Variants in GPR158 observed in about 807,000 individuals in gnomAD.
GPR158 encodes metabotropic glycine receptor.
GPR158 carries 30 observed loss-of-function variants against 78.2 expected under a neutral mutation model. The observed-to-expected ratio is 0.38, with a 90% confidence interval of 0.29 to 0.52. The LOEUF is 0.52. Among genes scored for constraint, GPR158 ranks in the 20% least tolerant of loss-of-function variants. The pLI is 0.83. For synonymous variants in GPR158, 581 were observed against 591.1 expected (o/e 0.98, Z 0.25); for missense variants, 1,463 against 1,523.5 (o/e 0.96, Z 0.66).
intron 2 of GPR158, among the ~76,000 whole-genome samples, chr10:25,239,958 G>A (rs958809755): frequency 6.6e-6 from 1 of 152,148 alleles, no homozygotes; most frequent in African/African-American, 2.4e-5. Flanking sequence ...ATTTTATAAA[G>A]TAGTATAGTA....
At chr10:25,307,324 C>T (rs1350410991) in intron 2 of GPR158, among the ~76,000 whole-genome samples, 1 of 150,002 alleles carries the variant, frequency 6.7e-6, no homozygotes, top group Non-Finnish European at 1.5e-5. Context: ...TATACACACA[C>T]TCCTTTTTCT....
At chr10:25,314,133 A>T (rs1854810334) in intron 2 of GPR158, among the ~76,000 whole-genome samples, 1 of 152,038 alleles carries the variant, frequency 6.6e-6, no homozygotes, top group Admixed American at 6.6e-5. Flanking sequence ...ACGGAGTCTC[A>T]CTCTGTCACC....
At chr10:25,262,367 A>G (rs1374563309) in intron 2 of GPR158, among the ~76,000 whole-genome samples, 1 of 152,182 alleles carries the variant, frequency 6.6e-6, no homozygotes, top group African/African-American at 2.4e-5. Context: ...GTGGAATAAC[A>G]AATTAATGAT....
chr10:25,338,532 A>G (rs1002694835), intron 2 of GPR158, among the ~76,000 whole-genome samples: 13 of 75,124 alleles, frequency 1.7e-4, no homozygotes, highest in African/African-American at 3.2e-4. Flanking sequence ...TATATTACGT[A>G]TATTATATAT....
At chr10:25,241,294 C>CTTTTCTTTTCT (rs1408898730) in intron 2 of GPR158, among the ~76,000 whole-genome samples, 21 of 80,260 alleles carry the variant, frequency 2.6e-4, no homozygotes, top group African/African-American at 1.0e-3. Flanking sequence ...CTTTTCTTTT[C>CTTTTCTTTTCT]TTTTCTTTTC....
At chr10:25,504,523 A>G (rs1394879086) in intron 5 of GPR158, among the ~76,000 whole-genome samples, 2 of 152,112 alleles carry the variant, frequency 1.3e-5, no homozygotes, top group Non-Finnish European at 1.5e-5. Flanking sequence ...CATCATCTGA[A>G]GGTATGTTAA....
intron 3 of GPR158, among the ~76,000 whole-genome samples, chr10:25,401,642 A>G (rs1834447461): frequency 6.6e-6 from 1 of 152,008 alleles, no homozygotes; most frequent in African/African-American, 2.4e-5. Context: ...TTACTTTACT[A>G]GACTGCTAAT....
At chr10:25,516,919 T>G (rs1241154403) in intron 5 of GPR158, among the ~76,000 whole-genome samples, 1 of 144,924 alleles carries the variant, frequency 6.9e-6, no homozygotes, top group Non-Finnish European at 1.5e-5. Flanking sequence ...AAGTCATTGG[T>G]AGCTTGATGG....
chr10:25,587,721 A>T, intron 7 of GPR158, among the ~76,000 whole-genome samples: 1 of 152,168 alleles, frequency 6.6e-6, no homozygotes, highest in East Asian at 1.9e-4. Context: ...GAGTGACATT[A>T]ATTTTTTTGT....
intron 2 of GPR158, among the ~76,000 whole-genome samples, chr10:25,336,107 T>C (rs1396984775): frequency 6.6e-6 from 1 of 152,034 alleles, no homozygotes; most frequent in Non-Finnish European, 1.5e-5. Flanking sequence ...AAAATGTGGA[T>C]GATGGAGCTG....
At position 25,261,074 on chromosome 10, in the gene GPR158, T is replaced by A. The variant is rs146757776; in HGVS notation, c.1008+39917T>A. On this transcript the variant is annotated intron_variant, in intron 2 of 10. Coordinates refer to ENST00000376351, the MANE Select transcript of GPR158 (RefSeq NM_020752.3). Reference sequence around the variant, plus strand: ...CTACCTGATCATGACTAAACCTTCCTGCACATTAAAACCATCTGGGAAGCT... The same window carrying A: ...CTACCTGATCATGACTAAACCTTCCAGCACATTAAAACCATCTGGGAAGCT... 1.6e-4 allele frequency among the ~76,000 whole-genome samples: 24 copies of A among 152,266 alleles called. No individual in the cohort carries two copies. In the East Asian group the frequency reaches 4.4e-3, roughly 28 times the overall value.
chr10:25,232,722 T>C (rs1853466602), intron 2 of GPR158, among the ~76,000 whole-genome samples: 1 of 152,188 alleles, frequency 6.6e-6, no homozygotes, highest in Admixed American at 6.5e-5. Flanking sequence ...TTGAGATCAC[T>C]TGAAAACGCT....
chr10:25,573,930 T>C (rs1435753965), intron 7 of GPR158, among the ~76,000 whole-genome samples: 1 of 151,978 alleles, frequency 6.6e-6, no homozygotes, highest in Non-Finnish European at 1.5e-5. Context: ...TTATTATATT[T>C]TGGGTAATAT....
intron 4 of GPR158, among the ~76,000 whole-genome samples, chr10:25,415,090 A>G (rs1180752760): frequency 2.0e-5 from 3 of 152,164 alleles, no homozygotes; most frequent in African/African-American, 4.8e-5. Flanking sequence ...AGGAGAAAAC[A>G]TTGACATAAA....
intron 1 of GPR158, among the ~76,000 whole-genome samples, chr10:25,193,664 TC>T (rs1359718272): frequency 1.3e-5 from 2 of 152,220 alleles, no homozygotes; most frequent in Admixed American, 6.5e-5. Context: ...TTTCATCTTT[TC>T]CCCCTTTGGG....
intron 2 of GPR158, among the ~76,000 whole-genome samples, chr10:25,383,908 C>T (rs552145950): frequency 1.4e-4 from 21 of 152,278 alleles, no homozygotes; most frequent in African/African-American, 5.1e-4. Flanking sequence ...CCTGGCTCAG[C>T]CAGTTGCTAG....
intron 5 of GPR158, among the ~76,000 whole-genome samples, chr10:25,473,974 A>G (rs1421710416): frequency 1.3e-5 from 2 of 152,160 alleles, no homozygotes; most frequent in Non-Finnish European, 2.9e-5. Context: ...GATTATGTTA[A>G]AAACTTTGAG....
At chr10:25,446,720 A>G (rs1835142286) in intron 4 of GPR158, among the ~76,000 whole-genome samples, 1 of 152,208 alleles carries the variant, frequency 6.6e-6, no homozygotes, top group East Asian at 1.9e-4. Flanking sequence ...GTGTTGGGTT[A>G]CTATAAAAAT....
intron 2 of GPR158, among the ~76,000 whole-genome samples, chr10:25,354,008 G>T (rs887356596): frequency 6.6e-6 from 1 of 151,912 alleles, no homozygotes; most frequent in Admixed American, 6.6e-5. Context: ...CTATTATAGG[G>T]TTTTGCACTG....
Sources: allele counts gnomAD v4.1 joint callset (sites outside exome capture counted in the v4.1 genomes callset), GRCh38; gene constraint gnomAD v4.1.1; transcripts MANE v1.5; gene names NCBI Gene and HGNC (gene_info 2026-07-23, HGNC 2026-07-21).